The following SYCE1L variants were observed in gnomAD, a reference collection of about 807,000 sequenced individuals.
SYCE1L encodes synaptonemal complex central element protein 1-like.
A neutral mutation model predicts 39.6 loss-of-function variants in SYCE1L; 51 were observed. That is an observed-to-expected ratio of 1.29 (90% CI 1.03 to 1.63). SYCE1L has a LOEUF of 1.63. Among genes scored for constraint, SYCE1L ranks in the 40% most tolerant of loss-of-function variants. SYCE1L has a pLI of 0.00. For missense variants in SYCE1L, 426 were observed against 304.9 expected, an observed-to-expected ratio of 1.40 and a Z score of -2.96; for synonymous variants, 147 against 122.4, an observed-to-expected ratio of 1.20 and a Z score of -1.33.
intron 1 of SYCE1L, chr16:77,201,588 C>T (rs1443178445): frequency 6.6e-6 from 1 of 152,082 alleles, no homozygotes; most frequent in Non-Finnish European, 1.5e-5. Flanking sequence ...TCTTCCACTT[C>T]GGCAGTGACC....
chr16:77,208,356 T>A, intron 3 of SYCE1L, 87 bp downstream of exon 3: 1 of 1,538,830 alleles, frequency 6.5e-7, no homozygotes, highest in Non-Finnish European at 8.8e-7. Flanking sequence ...CTATAAAATC[T>A]AGGCCCCTCT....
At chr16:77,205,056 A>G (rs9936188) in intron 1 of SYCE1L, among the ~76,000 whole-genome samples, 4,778 of 140,752 alleles carry the variant, frequency 0.034, 119 homozygotes, top group African/African-American at 0.051. Flanking sequence ...AAAAAAAAAA[A>G]AAAAGAAAAG....
chr16:77,211,626 C>G (rs1252662511), intron 7 of SYCE1L, among the ~76,000 whole-genome samples: 2 of 152,128 alleles, frequency 1.3e-5, no homozygotes, highest in African/African-American at 4.8e-5. Flanking sequence ...AGTGGTTGCA[C>G]CGGTCAGCAT....
At chr16:77,207,832 C>T (rs1038828239) in intron 2 of SYCE1L, among the ~76,000 whole-genome samples, 21 of 152,160 alleles carry the variant, frequency 1.4e-4, no homozygotes, top group African/African-American at 5.1e-4. Context: ...TGCCTTGTTG[C>T]ACTCTGCCTG....
intron 2 of SYCE1L, 58 bp downstream of exon 2, chr16:77,206,558 G>A: frequency 1.3e-6 from 2 of 1,523,706 alleles, no homozygotes; most frequent in Admixed American, 2.0e-5. Flanking sequence ...GAAAGACATG[G>A]TACAAATTCA....
intron 2 of SYCE1L, 137 bp from the exon 3 acceptor site, chr16:77,208,073 T>C (rs1161908270): frequency 2.4e-6 from 2 of 839,830 alleles, no homozygotes; most frequent in African/African-American, 3.4e-5. Context: ...CAAGGGGCTC[T>C]GGCAGAGCTC....
chr16:77,201,152 C>T (rs1314103351), intron 1 of SYCE1L: 1 of 152,110 alleles, frequency 6.6e-6, no homozygotes, highest in African/African-American at 2.4e-5. Context: ...AGTAAGTGCT[C>T]AGTAATTTTT....
At chr16:77,210,891 C>G (rs1274662351) in intron 6 of SYCE1L, among the ~76,000 whole-genome samples, 1 of 152,154 alleles carries the variant, frequency 6.6e-6, no homozygotes, top group African/African-American at 2.4e-5. Context: ...CTTTCCCTTC[C>G]CAGGAAGCAC....
intron 7 of SYCE1L, 73 bp downstream of exon 7, chr16:77,211,349 T>A: frequency 1.3e-6 from 2 of 1,518,984 alleles, no homozygotes; most frequent in Non-Finnish European, 8.9e-7. Flanking sequence ...TGGCCCAGAG[T>A]CCACCCCTGC....
chr16:77,209,175 C>T (rs1365832240), intron 5 of SYCE1L, 31 bp downstream of exon 5: 1 of 1,550,500 alleles, frequency 6.4e-7, no homozygotes, highest in Non-Finnish European at 8.7e-7. Flanking sequence ...CTTCCTTATT[C>T]TACTCTTCCA....
In SYCE1L at chr16:77,205,042, C is replaced by CT. The variant is rs1304476518; in HGVS notation, c.62-1398dup. On this transcript the variant is annotated intron_variant, in intron 1 of 10. Coordinates refer to ENST00000378644, the MANE Select transcript of SYCE1L (RefSeq NM_001129979.3). ...CCTGGGTGACAAAGCGAGACTCCAT[C>CT]TCAAAAAAAAAAAAAAAAGAAAAGA... Among the ~76,000 whole-genome samples, 80 of 60,568 alleles carry CT rather than the reference C, an allele frequency of 1.3e-3. 3 individuals carry two copies. The highest frequency in any genetic ancestry group is 4.5e-3 in the South Asian group (9 of 2,020). The allele number at this position is 60,568 out of a possible 152,430, so 39.7% of individuals were successfully genotyped here.
intron 1 of SYCE1L, among the ~76,000 whole-genome samples, chr16:77,206,171 AC>A (rs2054784445): frequency 6.6e-6 from 1 of 152,010 alleles, no homozygotes; most frequent in Admixed American, 6.6e-5. Context: ...CTCTTCTCTC[AC>A]CCCTGAGTTT....
At chr16:77,208,577 G>T (rs1440979892) in intron 4 of SYCE1L, 38 bp downstream of exon 4, 3 of 1,546,196 alleles carry the variant, frequency 1.9e-6, no homozygotes, top group East Asian at 2.4e-5. Context: ...CAACACTGCA[G>T]ATGTTCCTGT....
At position 77,199,512 on chromosome 16, in the gene SYCE1L, G is replaced by C. The variant is rs199890788; in HGVS notation, c.61G>C (p.Gly21Arg). The C allele has an allele frequency of 6.4e-7, 1 of 1,551,278 alleles. No individual in the cohort carries two copies. The highest frequency in any genetic ancestry group is 8.7e-7 in the Non-Finnish European group (1 of 1,146,746). ...GCCAGAAGCTACTGAGGAGGCTGAA[G>C]GTAGTGAGGGCAAGTGGGCTGCACT... ...EAPEATEEAE[G>R]QAKSLKTEDL... Residue 21 changes from glycine to arginine, a missense_variant and splice_region_variant, in exon 1 of 11, where the codon GGG becomes CGG. By Grantham distance (125) the Gly-to-Arg change is moderately radical. Coordinates refer to ENST00000378644, the MANE Select transcript of SYCE1L (RefSeq NM_001129979.3).
chr16:77,206,339 C>G, intron 1 of SYCE1L, 102 bp from the exon 2 acceptor site: 1 of 999,492 alleles, frequency 1.0e-6, no homozygotes, highest in South Asian at 1.5e-5. Flanking sequence ...TCCTTAGCCC[C>G]AGCCCACGGG....
intron 6 of SYCE1L, among the ~76,000 whole-genome samples, chr16:77,210,744 A>G (rs1459899441): frequency 6.6e-6 from 1 of 152,170 alleles, no homozygotes; most frequent in Non-Finnish European, 1.5e-5. Context: ...GGACAGGGTA[A>G]TGTTCTCAAC....
chr16:77,199,551 C>T, intron 1 of SYCE1L, 39 bp downstream of exon 1: 1 of 1,460,550 alleles, frequency 6.8e-7, no homozygotes, highest in Non-Finnish European at 9.4e-7. Flanking sequence ...TTCTCTCCAA[C>T]CAGGGCAGAA....
rs769626926 is a variant in SYCE1L, at chr16:77,206,494, C to G, written c.115C>G (p.Gln39Glu). Residue 39 changes from glutamine (Q) to glutamate (E), a missense_variant, in exon 2 of 11, where the codon CAG (glutamine) becomes GAG (glutamate). Physicochemically the swap from Gln to Glu is conservative, Grantham distance 29 (BLOSUM62 2). Transcript: ENST00000378644. ...EDLLAMVIKL[Q>E]KEGSLEPQIE... ...CTTGCTGGCAATGGTGATAAAGCTG[C>G]AGAAAGGTCATGTGTCTCTTTGTTT... The G allele has an allele frequency of 5.3e-5, 83 of 1,551,630 alleles. 1 individual carries two copies. The highest frequency in any genetic ancestry group is 6.5e-5 in the Non-Finnish European group (75 of 1,147,006).
chr16:77,211,494 C>T (rs993973964), intron 7 of SYCE1L, among the ~76,000 whole-genome samples: 24 of 152,182 alleles, frequency 1.6e-4, no homozygotes, highest in African/African-American at 5.5e-4. Context: ...CCTGCCCAGA[C>T]GGGTGCAGTA....
Sources: gnomAD v4.1 joint callset for allele counts (sites outside exome capture counted in the v4.1 genomes callset) on GRCh38, gnomAD v4.1.1 for gene constraint, MANE v1.5 for transcripts, NCBI Gene and HGNC (gene_info 2026-07-23, HGNC 2026-07-21) for gene names.